BIRC6: variants seen among roughly 807,000 people sequenced by gnomAD.
The protein encoded by BIRC6 is baculoviral IAP repeat containing 6, also known as dual E2 ubiquitin-conjugating enzyme/E3 ubiquitin-protein ligase BIRC6.
In BIRC6, 98 loss-of-function variants were observed where a neutral mutation model predicts 503.3. The ratio of observed to expected loss-of-function variants is 0.19; its 90% CI spans 0.17 to 0.23. BIRC6 has a LOEUF of 0.23. Among genes scored for constraint, BIRC6 ranks in the 10% least tolerant of loss-of-function variants. The pLI is 1.00. For synonymous variants in BIRC6, 2,240 were observed against 2,078.7 expected, an observed-to-expected ratio of 1.08 and a Z score of -2.11; for missense variants, 5,360 against 5,806.0, an observed-to-expected ratio of 0.92 and a Z score of 2.50.
intron 72 of BIRC6, among the ~76,000 whole-genome samples, chr2:32,610,542 C>A (rs924489554): frequency 6.6e-6 from 1 of 152,168 alleles, no homozygotes; most frequent in African/African-American, 2.4e-5. Context: ...TTAGAATATA[C>A]TTATCTAGGT....
Position 32,441,412 on chromosome 2 carries a change from G to T in BIRC6, c.3894G>T (p.Glu1298Asp). 3.1e-6 allele frequency: 5 copies of T among 1,610,722 alleles called. No homozygotes were observed. The highest frequency in any genetic ancestry group is 4.2e-6 in the Non-Finnish European group (5 of 1,177,614). The change falls in exon 17 of 74, where the codon GAG becomes GAT. Residue 1298 changes from glutamate (E) to aspartate (D), a missense_variant. Coordinates refer to ENST00000421745, the MANE Select transcript of BIRC6 (RefSeq NM_016252.4). ...ENLRGCDLLQ[E>D]VSVTIRRFKK... ...TCCGGGGCTGTGATTTACTTCAAGA[G>T]GTCTCAGTCACCATTCGAAGATTTA...
chr2:32,458,984 C>A (rs997216050), intron 23 of BIRC6, among the ~76,000 whole-genome samples: 2 of 152,008 alleles, frequency 1.3e-5, no homozygotes, highest in African/African-American at 4.8e-5. Flanking sequence ...GCCACCGTGC[C>A]CAGCCTCTAT....
At chr2:32,529,591 T>A (rs2056566174) in intron 59 of BIRC6, 60 bp from the exon 60 acceptor site, 1 of 1,396,870 alleles carries the variant, frequency 7.2e-7, no homozygotes, top group East Asian at 2.5e-5. Context: ...CAGATAATAA[T>A]TAAACCAAGT....
intron 65 of BIRC6, among the ~76,000 whole-genome samples, chr2:32,562,094 G>T (rs536670037): frequency 5.9e-5 from 9 of 152,040 alleles, no homozygotes; most frequent in Non-Finnish European, 1.3e-4. Flanking sequence ...GGAATTATCA[G>T]TTATATTTGT....
At chr2:32,461,071 TCCTCTCCTCTCCTCTCC>T (rs2047894779) in intron 23 of BIRC6, among the ~76,000 whole-genome samples, 1 of 5,654 alleles carries the variant, frequency 1.8e-4, no homozygotes, top group African/African-American at 5.2e-4. Flanking sequence ...TCTTCTGTTC[TCCTCTCCTCTCCTCTCC>T]TCTCCTCTCC....
rs550042936 is a variant in BIRC6, at chr2:32,604,868, T to C, written c.14070+1785T>C. 8.0e-5 allele frequency among the ~76,000 whole-genome samples: 12 copies of C among 150,804 alleles called. No individual in the cohort carries two copies. The South Asian group carries it at 2.5e-3, about 31-fold the overall frequency. On this transcript the variant is annotated intron_variant, in intron 71 of 73. Transcript: ENST00000421745. ...AGTATGCAATAGTTATTTTTTTCTT[T>C]TTTCTTTTTTCTTTTTCTTTTCTTT...
chr2:32,524,872 T>C lies in BIRC6; in HGVS notation c.11624-16T>C, dbSNP rs758460181. On this transcript the variant is annotated splice_polypyrimidine_tract_variant and intron_variant, in intron 57 of 73. Coordinates refer to ENST00000421745, the MANE Select transcript of BIRC6 (RefSeq NM_016252.4). ...ATTTGGAAAAGCAGTGTATTTTAGA[T>C]AATATCTTCTTACAGATACTCCAAG... 2.9e-6 allele frequency: 4 copies of C among 1,398,782 alleles called. No individual in the cohort carries two copies. The East Asian group carries it at 7.9e-5, about 28-fold the overall frequency. 86.6% of individuals were successfully genotyped at this position (1,398,782 alleles called of 1,614,324 possible). A position where few individuals can be genotyped will look rare whatever the true frequency, so the allele number is the denominator to read the frequency against.
chr2:32,490,632 T>C (rs1033985274), intron 43 of BIRC6, among the ~76,000 whole-genome samples: 1 of 152,224 alleles, frequency 6.6e-6, no homozygotes, highest in Non-Finnish European at 1.5e-5. Context: ...TAGTCTCATA[T>C]GTCTCGTTGG....
intron 6 of BIRC6, among the ~76,000 whole-genome samples, chr2:32,397,594 GTGTGTGTGTGTA>G (rs139225702): frequency 0.013 from 1,915 of 144,038 alleles, 55 homozygotes; most frequent in African/African-American, 0.046. Context: ...GTGTGTGTGT[GTGTGTGTGTGTA>G]TATATGTGTG....
rs145525262 is a variant in BIRC6, at chr2:32,563,060, C to T, written c.13145-12096C>T. 1.9e-3 allele frequency among the ~76,000 whole-genome samples: 284 copies of T among 152,264 alleles called. 2 individuals carry two copies. The East Asian group carries it at 0.033, about 18-fold the overall frequency. On this transcript the variant is annotated intron_variant, in intron 65 of 73. Coordinates refer to ENST00000421745, the MANE Select transcript of BIRC6 (RefSeq NM_016252.4). ...GTTCTTCAATGTTGTGCTGGCTATG[C>T]TACGTATTTTGCCTTTCCATAGAAA...
At chr2:32,374,633 C>T (rs890824514) in intron 1 of BIRC6, among the ~76,000 whole-genome samples, 43 of 151,902 alleles carry the variant, frequency 2.8e-4, no homozygotes, top group Admixed American at 9.2e-4. Flanking sequence ...CCACCACGCC[C>T]GGCTAATTTT....
chr2:32,453,969 T>C, intron 23 of BIRC6, 27 bp downstream of exon 23: 1 of 1,569,522 alleles, frequency 6.4e-7, no homozygotes, highest in East Asian at 2.2e-5. Flanking sequence ...ATACCTTCTT[T>C]TATTATATAC....
In BIRC6 at chr2:32,515,578, G is replaced by T. The variant is rs770387826; in HGVS notation, c.11157G>T (p.Leu3719Phe). Residue 3719 changes from leucine (L) to phenylalanine (F), a missense_variant, in exon 55 of 74, where the codon TTG (leucine) becomes TTT (phenylalanine). Physicochemically the swap from Leu to Phe is conservative, Grantham distance 22. Around this residue, in one of 16 missense-constraint regions of BIRC6, gnomAD observed 878 missense variants for 928.9 expected, o/e 0.95. Coordinates refer to ENST00000421745, the MANE Select transcript of BIRC6 (RefSeq NM_016252.4). ...TATGGACAGCACTTCTGTTTTTATT[G>T]TGTCACTCTGGGTCCACTTCTGGAA... ...NPLWTALLFL[L>F]CHSGSTSGSH... The T allele has an allele frequency of 6.2e-7, 1 of 1,613,854 alleles. No individual in the cohort carries two copies. Among genetic ancestry groups the T allele is most frequent in the Admixed American group, 1.7e-5 (1 of 60,016 alleles).
chr2:32,460,274 T>TATATGTA (rs1572383914), intron 23 of BIRC6, among the ~76,000 whole-genome samples: 1 of 19,600 alleles, frequency 5.1e-5, no homozygotes, highest in East Asian at 1.2e-3. Context: ...ATATATATAT[T>TATATGTA]TTTTTTTTTT....
chr2:32,367,837 C>CA (rs1553372007), intron 1 of BIRC6, among the ~76,000 whole-genome samples: 1 of 151,944 alleles, frequency 6.6e-6, no homozygotes, highest in Non-Finnish European at 1.5e-5. Context: ...ACCTTCCCCC[C>CA]AAAAGTAATT....
intron 60 of BIRC6, among the ~76,000 whole-genome samples, chr2:32,530,689 A>C (rs2056670661): frequency 6.6e-6 from 1 of 152,164 alleles, no homozygotes; most frequent in South Asian, 2.1e-4. Flanking sequence ...ACTTACTTAA[A>C]CTTTCCATCT....
intron 33 of BIRC6, 65 bp from the exon 34 acceptor site, chr2:32,476,145 TGAG>T (rs1464575423): frequency 1.7e-6 from 2 of 1,200,260 alleles, no homozygotes; most frequent in Non-Finnish European, 2.3e-6. Context: ...ATGAATTCTG[TGAG>T]GAGTATAATA....
intron 68 of BIRC6, 101 bp downstream of exon 68, chr2:32,595,245 T>A: frequency 1.4e-6 from 1 of 709,266 alleles, no homozygotes. Context: ...TTAAAATTGC[T>A]TGTAACATGA....
At chr2:32,585,545 A>C (rs539030867) in intron 66 of BIRC6, among the ~76,000 whole-genome samples, 1 of 152,142 alleles carries the variant, frequency 6.6e-6, no homozygotes, top group East Asian at 1.9e-4. Flanking sequence ...ACACCCGGCT[A>C]ATTTTTGTAT....
Sources: gnomAD v4.1 joint callset for allele counts (sites outside exome capture counted in the v4.1 genomes callset) on GRCh38, gnomAD v4.1.1 for gene constraint, gnomAD v4.1.1 regional missense constraint, MANE v1.5 for transcripts, NCBI Gene and HGNC (gene_info 2026-07-23, HGNC 2026-07-21) for gene names.